Variants in PLEKHA5 observed in about 807,000 individuals in gnomAD.
The protein encoded by PLEKHA5 is pleckstrin homology domain containing A5.
In PLEKHA5, 55 loss-of-function variants were observed where a neutral mutation model predicts 181.9. That is an observed-to-expected ratio of 0.30 (90% CI 0.24 to 0.38). The LOEUF (loss-of-function observed/expected upper bound fraction) is 0.38. Ranked by LOEUF, PLEKHA5 falls within the 10% of genes least tolerant of loss-of-function variation. The probability of loss-of-function intolerance (pLI) is 1.00; values close to 1 mark genes in which losing one functional copy is unlikely to be tolerated. For synonymous variants in PLEKHA5, 535 were observed against 529.4 expected, an observed-to-expected ratio of 1.01 and a Z score of -0.15; for missense variants, 1,432 against 1,549.5, an observed-to-expected ratio of 0.92 and a Z score of 1.27.
chr12:19,281,820 C>T (rs141382050), intron 11 of PLEKHA5, among the ~76,000 whole-genome samples: 7,623 of 151,850 alleles, frequency 0.05, 318 homozygotes, highest in East Asian at 0.18. Flanking sequence ...CTCACTCTGT[C>T]GCCCAGGCTG....
chr12:19,327,725 A>G (rs1304559733), intron 20 of PLEKHA5, among the ~76,000 whole-genome samples: 1 of 149,366 alleles, frequency 6.7e-6, no homozygotes, highest in African/African-American at 2.5e-5. Flanking sequence ...GCTCACTGCA[A>G]CCTCCACCTT....
intron 3 of PLEKHA5, among the ~76,000 whole-genome samples, chr12:19,219,421 A>G (rs971853149): frequency 1.3e-5 from 2 of 151,146 alleles, no homozygotes; most frequent in African/African-American, 4.9e-5. Context: ...GTGTTTGAAT[A>G]TATGTGTGTG....
At chr12:19,247,123 C>A (rs191948466) in intron 3 of PLEKHA5, among the ~76,000 whole-genome samples, 2 of 152,256 alleles carry the variant, frequency 1.3e-5, no homozygotes, top group South Asian at 2.1e-4. Flanking sequence ...ATAGCAATGT[C>A]GACTCTACGA....
intron 3 of PLEKHA5, among the ~76,000 whole-genome samples, chr12:19,163,032 G>C (rs560076570): frequency 2.6e-5 from 4 of 152,030 alleles, no homozygotes; most frequent in Non-Finnish European, 4.4e-5. Context: ...TTTATATATT[G>C]TCTCCTTTAA....
At chr12:19,179,148 A>G (rs918273020) in intron 3 of PLEKHA5, among the ~76,000 whole-genome samples, 18 of 152,202 alleles carry the variant, frequency 1.2e-4, no homozygotes, top group African/African-American at 4.1e-4. Flanking sequence ...GTTTTTTAAA[A>G]TGTGAAATTG....
intron 22 of PLEKHA5, 36 bp downstream of exon 22, chr12:19,343,470 A>C (rs117151595): frequency 9.0e-7 from 1 of 1,108,068 alleles, no homozygotes; most frequent in Admixed American, 1.7e-5. Context: ...GTGACTGACC[A>C]CAGTATTACA....
chr12:19,367,087 T>A (rs919687744), intron 30 of PLEKHA5, among the ~76,000 whole-genome samples: 1 of 151,956 alleles, frequency 6.6e-6, no homozygotes. Flanking sequence ...GGGGTTACTA[T>A]GTTGGCCAGG....
intron 3 of PLEKHA5, among the ~76,000 whole-genome samples, chr12:19,204,088 G>A (rs946522821): frequency 1.3e-5 from 2 of 151,968 alleles, no homozygotes; most frequent in African/African-American, 2.4e-5. Context: ...TATTTCCTAT[G>A]TCTTCTTACC....
chr12:19,194,136 C>T (rs1279704283), intron 3 of PLEKHA5, among the ~76,000 whole-genome samples: 1 of 152,222 alleles, frequency 6.6e-6, no homozygotes, highest in African/African-American at 2.4e-5. Context: ...TCCTTCATTC[C>T]ATACTCTGCT....
chr12:19,242,902 A>G (rs2062939248), intron 3 of PLEKHA5, among the ~76,000 whole-genome samples: 1 of 152,246 alleles, frequency 6.6e-6, no homozygotes, highest in South Asian at 2.1e-4. Context: ...TAACATTTCT[A>G]AATCTGTTTT....
intron 3 of PLEKHA5, among the ~76,000 whole-genome samples, chr12:19,252,294 G>C (rs1453106685): frequency 1.3e-5 from 2 of 152,122 alleles, no homozygotes; most frequent in Non-Finnish European, 2.9e-5. Context: ...CACAGCACAT[G>C]TACTAATATT....
At chr12:19,182,572 G>A (rs1425908717) in intron 3 of PLEKHA5, among the ~76,000 whole-genome samples, 1 of 152,184 alleles carries the variant, frequency 6.6e-6, no homozygotes, top group Non-Finnish European at 1.5e-5. Flanking sequence ...GCAAGACGAA[G>A]TAGCATTGAC....
At position 19,328,345 on chromosome 12, in the gene PLEKHA5, A is replaced by G. The variant is rs536015594; in HGVS notation, c.2448+5678A>G. On this transcript the variant is annotated intron_variant, in intron 20 of 31. Transcript: ENST00000429027. ...ATATGAATTTAAGAATTTGTTTTCT[A>G]GTTCTGTGAAAAATGATGGTAGTTT... 4.6e-5 allele frequency among the ~76,000 whole-genome samples: 7 copies of G among 152,258 alleles called. 1 individual carries two copies. The highest frequency in any genetic ancestry group is 1.7e-4 in the African/African-American group (7 of 41,558).
rs1341696272 is a variant in PLEKHA5 at position 19,277,014 on chromosome 12, A to G, written c.1313+2031A>G. Among the ~76,000 whole-genome samples, 4 of 152,226 alleles carry G rather than the reference A, an allele frequency of 2.6e-5. No homozygotes were observed. The East Asian group carries it at 7.7e-4, about 29-fold the overall frequency. On this transcript the variant is annotated intron_variant, in intron 11 of 31. Transcript: ENST00000429027. ...CAGATTGACCAAAATCATAAATAAA[A>G]GAATTAAGGCATAGATGAATAAAAA... is the stretch of plus-strand genomic sequence containing the variant.
chr12:19,195,315 T>C (rs2052384303), intron 3 of PLEKHA5, among the ~76,000 whole-genome samples: 2 of 152,158 alleles, frequency 1.3e-5, no homozygotes, highest in Admixed American at 1.3e-4. Context: ...CTTTTCTTTC[T>C]TTTTAATTGT....
At chr12:19,325,665 G>C (rs1382991009) in intron 20 of PLEKHA5, among the ~76,000 whole-genome samples, 1 of 148,686 alleles carries the variant, frequency 6.7e-6, no homozygotes, top group African/African-American at 2.5e-5. Context: ...TCCAGCCTGG[G>C]CGACAGAGCG....
chr12:19,332,961 C>G (rs1196294050), intron 20 of PLEKHA5, among the ~76,000 whole-genome samples: 1 of 152,162 alleles, frequency 6.6e-6, no homozygotes, highest in Non-Finnish European at 1.5e-5. Flanking sequence ...CAGTCTTGAA[C>G]TTTATGTGAA....
chr12:19,205,462 T>G (rs2055196113), intron 3 of PLEKHA5: 1 of 732,428 alleles, frequency 1.4e-6, no homozygotes, highest in African/African-American at 1.9e-5. Context: ...ATTGGCTGTT[T>G]TGTTCTATTT....
At chr12:19,187,521 C>T (rs2050137176) in intron 3 of PLEKHA5, among the ~76,000 whole-genome samples, 1 of 152,104 alleles carries the variant, frequency 6.6e-6, no homozygotes, top group Admixed American at 6.5e-5. Context: ...GTTCGTCAGT[C>T]ATGGTGCTTG....
Sources: gnomAD v4.1 joint callset for allele counts (sites outside exome capture counted in the v4.1 genomes callset) on GRCh38, gnomAD v4.1.1 for gene constraint, MANE v1.5 for transcripts, NCBI Gene and HGNC (gene_info 2026-07-23, HGNC 2026-07-21) for gene names.